The following LRBA variants were observed in gnomAD, a reference collection of about 807,000 sequenced individuals.
LRBA encodes the protein LPS responsive beige-like anchor protein, also known as lipopolysaccharide-responsive and beige-like anchor protein.
LRBA carries 176 observed loss-of-function variants against 330.0 expected under a neutral mutation model. That is an observed-to-expected ratio of 0.53 (90% confidence interval 0.47 to 0.60). The LOEUF (loss-of-function observed/expected upper bound fraction) is 0.60, where lower values mean the gene tolerates loss of function less well. Ranked by LOEUF, LRBA falls within the 20% of genes least tolerant of loss-of-function variation. The pLI, the probability that LRBA is intolerant of heterozygous loss-of-function variation, is 0.00. For synonymous variants in LRBA, 1,230 were observed against 1,193.0 expected, an observed-to-expected ratio of 1.03 and a Z score of -0.64; for missense variants, 3,259 against 3,444.8, an observed-to-expected ratio of 0.95 and a Z score of 1.35.
chr4:150,930,942 C>G (rs1016923097), intron 2 of LRBA, among the ~76,000 whole-genome samples: 1 of 152,152 alleles, frequency 6.6e-6, no homozygotes, highest in Non-Finnish European at 1.5e-5. Flanking sequence ...TTCCCTAGTC[C>G]TCCTGGATAA....
intron 34 of LRBA, among the ~76,000 whole-genome samples, chr4:150,774,355 C>CA (rs1736985340): frequency 6.6e-6 from 1 of 152,102 alleles, no homozygotes; most frequent in Non-Finnish European, 1.5e-5. Flanking sequence ...ACTGACTGAC[C>CA]ACCCAGCCGA....
intron 40 of LRBA, among the ~76,000 whole-genome samples, chr4:150,533,656 T>C (rs932598202): frequency 2.0e-5 from 3 of 152,152 alleles, no homozygotes; most frequent in African/African-American, 7.2e-5. Context: ...TTCTCCTTTG[T>C]AGTAGCATGA....
intron 22 of LRBA, among the ~76,000 whole-genome samples, chr4:150,863,618 C>A (rs1043257409): frequency 6.6e-6 from 1 of 152,142 alleles, no homozygotes; most frequent in Admixed American, 6.6e-5. Context: ...GCCAAGATTG[C>A]GCCACTGCAC....
chr4:150,464,192 C>A (rs1755151425), intron 44 of LRBA, among the ~76,000 whole-genome samples: 1 of 151,924 alleles, frequency 6.6e-6, no homozygotes, highest in Non-Finnish European at 1.5e-5. Flanking sequence ...GAAATAGAGT[C>A]CAAACTGTGG....
chr4:150,400,778 T>A (rs918422987), intron 47 of LRBA, among the ~76,000 whole-genome samples: 3 of 152,146 alleles, frequency 2.0e-5, no homozygotes, highest in African/African-American at 7.2e-5. Context: ...AGTTTGAGAC[T>A]GTAGTAGGCT....
chr4:150,687,228 T>C (rs915507863), intron 36 of LRBA, among the ~76,000 whole-genome samples: 3 of 152,136 alleles, frequency 2.0e-5, no homozygotes, highest in African/African-American at 7.2e-5. Flanking sequence ...ATCCTATGTA[T>C]GAAATATTGT....
intron 37 of LRBA, among the ~76,000 whole-genome samples, chr4:150,673,735 C>T (rs1782281803): frequency 1.3e-5 from 2 of 152,156 alleles, no homozygotes; most frequent in African/African-American, 4.8e-5. Flanking sequence ...TATATAATCA[C>T]AACACAATTA....
At position 150,871,440 on chromosome 4, in the gene LRBA, C is replaced by G. The variant is rs1753431689; in HGVS notation, c.2272G>C (p.Val758Leu). ...KHLAPKRKAE[V>L]MLGHGLFSLL... ...GAAAACAATCCATGTCCAAGCATGA[C>G]TTCTGCTTTCCTCCTGCAATTACAC... Residue 758 changes from valine to leucine, a missense_variant, in exon 19 of 57, where the codon GTC (valine) becomes CTC (leucine). Val to Leu is a conservative substitution (Grantham distance 32). Transcript: ENST00000651943. 6.2e-7 allele frequency: 1 copy of G among 1,605,570 alleles called. No individual in the cohort carries two copies. Among genetic ancestry groups the G allele is most frequent in the Non-Finnish European group, 8.5e-7 (1 of 1,172,712 alleles).
intron 31 of LRBA, among the ~76,000 whole-genome samples, chr4:150,809,092 G>C (rs1336906820): frequency 6.6e-6 from 1 of 152,200 alleles, no homozygotes; most frequent in Non-Finnish European, 1.5e-5. Context: ...GAGCCAGTGT[G>C]AGGAGGAAAT....
chr4:150,597,097 C>G (rs528267326), intron 38 of LRBA: 2 of 1,401,760 alleles, frequency 1.4e-6, no homozygotes, highest in South Asian at 2.6e-5. Flanking sequence ...GCTGTTCTCT[C>G]TCAATTTAAA....
chr4:150,449,773 T>C (rs1753122957), intron 44 of LRBA, among the ~76,000 whole-genome samples: 1 of 152,160 alleles, frequency 6.6e-6, no homozygotes, highest in African/African-American at 2.4e-5. Flanking sequence ...AAGAAGCATA[T>C]ACTTCTTTGG....
chr4:150,670,559 C>A (rs1781965204), intron 37 of LRBA, among the ~76,000 whole-genome samples: 1 of 152,148 alleles, frequency 6.6e-6, no homozygotes, highest in African/African-American at 2.4e-5. Context: ...TTTAAGTTAA[C>A]AAATGGCATA....
At chr4:150,954,201 T>C (rs1190229238) in intron 2 of LRBA, among the ~76,000 whole-genome samples, 1 of 147,614 alleles carries the variant, frequency 6.8e-6, no homozygotes, top group Non-Finnish European at 1.5e-5. Context: ...GGGGCCCCTC[T>C]GCCCGGCCAC....
At chr4:150,582,804 C>T (rs1344258666) in intron 40 of LRBA, 3 of 481,904 alleles carry the variant, frequency 6.2e-6, no homozygotes, top group Non-Finnish European at 1.1e-5. Flanking sequence ...CTTTTCTCCC[C>T]TAATTCTTCT....
chr4:150,346,821 A>C (rs1226993754), intron 48 of LRBA, among the ~76,000 whole-genome samples: 1 of 150,662 alleles, frequency 6.6e-6, no homozygotes, highest in Non-Finnish European at 1.5e-5. Context: ...TCAAAAAGTT[A>C]AACTTGGAAT....
chr4:150,374,691 C>T (rs940607481), intron 47 of LRBA, among the ~76,000 whole-genome samples: 5 of 152,070 alleles, frequency 3.3e-5, no homozygotes, highest in South Asian at 2.1e-4. Context: ...GATGCTCAAC[C>T]GTAAGTATAG....
At chr4:150,904,591 G>A (rs1031783354) in intron 13 of LRBA, among the ~76,000 whole-genome samples, 2 of 151,710 alleles carry the variant, frequency 1.3e-5, no homozygotes, top group African/African-American at 4.8e-5. Flanking sequence ...CACATCAAAA[G>A]AGACACAAAG....
chr4:150,833,675 T>G (rs1747559107), intron 28 of LRBA, among the ~76,000 whole-genome samples: 1 of 152,222 alleles, frequency 6.6e-6, no homozygotes, highest in Admixed American at 6.5e-5. Context: ...ACAATCTTTT[T>G]GCTAGTGGAA....
At chr4:150,494,118 C>T (rs1759285959) in intron 40 of LRBA, among the ~76,000 whole-genome samples, 1 of 152,014 alleles carries the variant, frequency 6.6e-6, no homozygotes. Context: ...GAGGCCTAGA[C>T]ATGTTAAATA....
Sources: gnomAD v4.1 joint callset for allele counts (sites outside exome capture counted in the v4.1 genomes callset) on GRCh38, gnomAD v4.1.1 for gene constraint, MANE v1.5 for transcripts, NCBI Gene and HGNC (gene_info 2026-07-23, HGNC 2026-07-21) for gene names.